MVB12B: variants seen among roughly 807,000 people sequenced by gnomAD.
The protein encoded by MVB12B is multivesicular body subunit 12B, also known as ESCRT-I complex subunit MVB12B.
A neutral mutation model predicts 41.6 loss-of-function variants in MVB12B; 16 were observed. The ratio of observed to expected loss-of-function variants is 0.38; its 90% CI spans 0.26 to 0.58. The LOEUF (loss-of-function observed/expected upper bound fraction) is 0.58, where lower values mean the gene tolerates loss of function less well. Among genes scored for constraint, MVB12B ranks in the 20% least tolerant of loss-of-function variants. The pLI is 0.62. For missense variants in MVB12B, 274 were observed against 380.2 expected (o/e 0.72, Z 2.32); for synonymous variants, 133 against 139.7 (o/e 0.95, Z 0.34).
At position 126,468,122 on chromosome 9, in the gene MVB12B, G is replaced by A. The variant is rs1833234712; in HGVS notation, c.758-13247G>A. On this transcript the variant is annotated intron_variant, in intron 7 of 9. Coordinates refer to ENST00000361171, the MANE Select transcript of MVB12B (RefSeq NM_033446.3). This position sits in a 1 kb window ranked among gnomAD's most constrained non-coding sequence, Gnocchi z 4.3. ...CAGAGTACATTCTGATCTTCCCATT[G>A]TTTTTGCCAGCTTGGAACGTTAACA... is the stretch of plus-strand genomic sequence containing the variant. Among the ~76,000 whole-genome samples the A allele has an allele frequency of 6.6e-6, 1 of 152,102 alleles. No homozygotes were observed. Among genetic ancestry groups the A allele is most frequent in the African/African-American group, 2.4e-5 (1 of 41,410 alleles).
intron 6 of MVB12B, among the ~76,000 whole-genome samples, chr9:126,409,213 C>T (rs187959662): frequency 2.0e-5 from 3 of 152,058 alleles, no homozygotes; most frequent in Admixed American, 6.6e-5. Context: ...TTTAGCCACA[C>T]GGTGCAGATG....
At chr9:126,489,599 C>T (rs1203737340) in intron 9 of MVB12B, among the ~76,000 whole-genome samples, 1 of 152,210 alleles carries the variant, frequency 6.6e-6, no homozygotes, top group Non-Finnish European at 1.5e-5. Flanking sequence ...TCCATGATGG[C>T]GCGGGTGGCT....
At chr9:126,410,120 C>A (rs549312668) in intron 6 of MVB12B, among the ~76,000 whole-genome samples, 3 of 150,968 alleles carry the variant, frequency 2.0e-5, no homozygotes, top group African/African-American at 4.9e-5. Flanking sequence ...TTCCCCTTGT[C>A]CAATGCACAG....
At chr9:126,426,392 A>C (rs978579097) in intron 7 of MVB12B, among the ~76,000 whole-genome samples, 2 of 152,130 alleles carry the variant, frequency 1.3e-5, no homozygotes, top group Non-Finnish European at 2.9e-5. Context: ...TTTTTCGAGC[A>C]TGCCTTTAAG....
chr9:126,505,208 G>C lies in MVB12B; in HGVS notation c.*1945G>C, dbSNP rs972173511. ...GCCCTTCACTCCGCCCCCATGACTG[G>C]GAAGAGGCCTGTGGCAGCGCCGCTG... On this transcript the variant is annotated 3_prime_UTR_variant, in exon 10 of 10. Transcript: ENST00000361171. The C allele has an allele frequency of 1.3e-5, 2 of 152,250 alleles. No homozygotes were observed. The highest frequency in any genetic ancestry group is 2.9e-5 in the Non-Finnish European group (2 of 68,042). The allele number at this position is 152,250 out of a possible 1,614,324, so 9.4% of individuals were successfully genotyped here. A position where few individuals can be genotyped will look rare whatever the true frequency, so the allele number is the denominator to read the frequency against.
intron 2 of MVB12B, among the ~76,000 whole-genome samples, chr9:126,356,166 A>T (rs1490616859): frequency 6.6e-6 from 1 of 152,184 alleles, no homozygotes; most frequent in Non-Finnish European, 1.5e-5. Context: ...TTTGGTTACT[A>T]CCACATGTTA....
At chr9:126,397,522 T>A in intron 6 of MVB12B, 1 of 985,448 alleles carries the variant, frequency 1.0e-6, no homozygotes, top group Non-Finnish European at 1.2e-6. Flanking sequence ...AAAACAAATG[T>A]CAAAATAGTC....
rs919558331 is a variant in MVB12B, at chr9:126,504,172, T to C, written c.*909T>C. On this transcript the variant is annotated 3_prime_UTR_variant, in exon 10 of 10. Transcript: ENST00000361171. ...CAGAGCCAGGCGTGTCTTGACGGTA[T>C]CTGCTGACGGGAACAAGTCATTCTG... 6.6e-6 allele frequency: 1 copy of C among 152,288 alleles called. No individual in the cohort carries two copies. Among genetic ancestry groups the C allele is most frequent in the Non-Finnish European group, 1.5e-5 (1 of 68,088 alleles). The allele number at this position is 152,288 out of a possible 1,614,324, so 9.4% of individuals were successfully genotyped here.
intron 7 of MVB12B, among the ~76,000 whole-genome samples, chr9:126,475,681 C>T (rs1267939062): frequency 1.3e-5 from 2 of 152,082 alleles, no homozygotes; most frequent in Non-Finnish European, 2.9e-5. Context: ...AGCTTCAGCC[C>T]ATGGGATCCT....
intron 2 of MVB12B, among the ~76,000 whole-genome samples, chr9:126,377,745 C>T (rs977384674): frequency 1.3e-5 from 2 of 152,100 alleles, no homozygotes; most frequent in Non-Finnish European, 2.9e-5. Flanking sequence ...AGATGTTCCT[C>T]GTACAAGTAT....
At chr9:126,457,238 T>C (rs1410406688) in intron 7 of MVB12B, among the ~76,000 whole-genome samples, 1 of 152,160 alleles carries the variant, frequency 6.6e-6, no homozygotes, top group African/African-American at 2.4e-5. Flanking sequence ...CTTCCCTCCA[T>C]CACCAACATT....
At chr9:126,381,036 A>ATCCTT in intron 2 of MVB12B, 28 bp from the exon 3 acceptor site, 1 of 1,596,126 alleles carries the variant, frequency 6.3e-7, no homozygotes, top group Non-Finnish European at 8.6e-7. Flanking sequence ...CCTTACCTGC[A>ATCCTT]ATCCTTTTCT....
chr9:126,393,584 C>T (rs1372448416), intron 5 of MVB12B, among the ~76,000 whole-genome samples: 2 of 152,200 alleles, frequency 1.3e-5, no homozygotes, highest in East Asian at 1.9e-4. Context: ...TCCATTGGAA[C>T]TCAAGGACAA....
At chr9:126,366,855 C>G (rs1170645144) in intron 2 of MVB12B, among the ~76,000 whole-genome samples, 1 of 152,178 alleles carries the variant, frequency 6.6e-6, no homozygotes, top group Non-Finnish European at 1.5e-5. Flanking sequence ...CACGGGGCCT[C>G]CATTTCCACC....
chr9:126,351,470 TCA>T (rs1829744544), intron 2 of MVB12B, among the ~76,000 whole-genome samples: 1 of 148,764 alleles, frequency 6.7e-6, no homozygotes, highest in African/African-American at 2.5e-5. Flanking sequence ...TGGAAAACAT[TCA>T]GTCTTTCACT....
intron 9 of MVB12B, among the ~76,000 whole-genome samples, chr9:126,489,405 C>T (rs1243726532): frequency 6.6e-6 from 1 of 152,250 alleles, no homozygotes; most frequent in African/African-American, 2.4e-5. Context: ...TTAGATGTAG[C>T]TGCCCTGCTC....
rs117522460 is a variant in MVB12B, at chr9:126,493,729, C to T, written c.874-9448C>T. Reference sequence around the variant, plus strand: ...TCTTTAGGTCATTCCTAGGTGCTTTCTGTCTTTGTGGTTCTTGTGAACGAG... The same window carrying T: ...TCTTTAGGTCATTCCTAGGTGCTTTTTGTCTTTGTGGTTCTTGTGAACGAG... On this transcript the variant is annotated intron_variant, in intron 9 of 9. Coordinates refer to ENST00000361171, the MANE Select transcript of MVB12B (RefSeq NM_033446.3). Among the ~76,000 whole-genome samples the T allele has an allele frequency of 5.6e-4, 86 of 152,322 alleles. 1 individual carries two copies. The East Asian group carries it at 0.016, about 28-fold the overall frequency.
At chr9:126,343,766 C>G (rs1829512318) in intron 2 of MVB12B, among the ~76,000 whole-genome samples, 1 of 152,010 alleles carries the variant, frequency 6.6e-6, no homozygotes, top group Non-Finnish European at 1.5e-5. Context: ...AAATACAAAA[C>G]ATTAGCTGGG....
chr9:126,503,298 G>A lies in MVB12B; in HGVS notation c.*35G>A, dbSNP rs772593810. The A allele has an allele frequency of 3.1e-5, 47 of 1,518,910 alleles. No homozygotes were observed. The Admixed American group carries it at 4.5e-4, about 15-fold the overall frequency. The allele number at this position is 1,518,910 out of a possible 1,614,324, so 94.1% of individuals were successfully genotyped here. A position where few individuals can be genotyped will look rare whatever the true frequency, so the allele number is the denominator to read the frequency against. On this transcript the variant is annotated 3_prime_UTR_variant, in exon 10 of 10. Coordinates refer to ENST00000361171, the MANE Select transcript of MVB12B (RefSeq NM_033446.3). The stretch of plus-strand genomic sequence containing the variant: ...GGCCACCTGCGGGGAGACCACCGCC[G>A]CCCAGACTACTGACGGCAGGGGCTG...
Sources: allele counts gnomAD v4.1 joint callset (sites outside exome capture counted in the v4.1 genomes callset), GRCh38; gene constraint gnomAD v4.1.1; non-coding constraint Gnocchi (gnomAD v3.1); transcripts MANE v1.5; gene names NCBI Gene and HGNC (gene_info 2026-07-23, HGNC 2026-07-21).